MYRIP: variants seen among roughly 807,000 people sequenced by gnomAD.
MYRIP encodes rab effector MyRIP.
A neutral mutation model predicts 98.0 loss-of-function variants in MYRIP; 49 were observed. The ratio of observed to expected loss-of-function variants is 0.50; its 90% CI spans 0.40 to 0.63. The LOEUF (loss-of-function observed/expected upper bound fraction) is 0.63, where lower values mean the gene tolerates loss of function less well. Ranked by LOEUF, MYRIP falls within the 30% of genes least tolerant of loss-of-function variation. The pLI is 0.00. For missense variants in MYRIP, 1,004 were observed against 1,058.2 expected, an observed-to-expected ratio of 0.95 and a Z score of 0.71; for synonymous variants, 404 against 409.5, an observed-to-expected ratio of 0.99 and a Z score of 0.16.
At chr3:39,937,461 G>T (rs1361269933) in intron 2 of MYRIP, among the ~76,000 whole-genome samples, 1 of 152,204 alleles carries the variant, frequency 6.6e-6, no homozygotes, top group South Asian at 2.1e-4. Flanking sequence ...TGCAGACACA[G>T]TCCTGCTGTT....
At chr3:39,959,346 C>T (rs58518343) in intron 2 of MYRIP, among the ~76,000 whole-genome samples, 1 of 141,842 alleles carries the variant, frequency 7.1e-6, no homozygotes, top group African/African-American at 2.6e-5. Context: ...TGCAGCCATA[C>T]AAAAGGATGA....
intron 10 of MYRIP, among the ~76,000 whole-genome samples, chr3:40,191,998 C>T (rs1951224385): frequency 6.6e-6 from 1 of 152,086 alleles, no homozygotes; most frequent in Non-Finnish European, 1.5e-5. Flanking sequence ...AGAAGAGGCA[C>T]TGCCTCTGCC....
chr3:39,897,628 T>A (rs1443768533), intron 1 of MYRIP, among the ~76,000 whole-genome samples: 4 of 152,162 alleles, frequency 2.6e-5, no homozygotes, highest in Non-Finnish European at 5.9e-5. Context: ...GAGATTGTCA[T>A]ACCTATGTGA....
chr3:39,883,862 G>A (rs1213538254), intron 1 of MYRIP, among the ~76,000 whole-genome samples: 1 of 152,054 alleles, frequency 6.6e-6, no homozygotes, highest in Non-Finnish European at 1.5e-5. Context: ...TCCAACTAAT[G>A]TGTGTGATTG....
At chr3:39,913,704 A>G (rs1944081729) in intron 2 of MYRIP, among the ~76,000 whole-genome samples, 1 of 152,228 alleles carries the variant, frequency 6.6e-6, no homozygotes, top group African/African-American at 2.4e-5. Context: ...AAATCATACA[A>G]TGCCTTAGGG....
At chr3:40,054,665 C>T (rs1288575303) in intron 3 of MYRIP, among the ~76,000 whole-genome samples, 5 of 152,162 alleles carry the variant, frequency 3.3e-5, no homozygotes, top group African/African-American at 1.2e-4. Context: ...CAAGCTGCAA[C>T]ATCCACTCTT....
intron 8 of MYRIP, chr3:40,174,064 C>T (rs530203180): frequency 2.0e-5 from 3 of 152,304 alleles, no homozygotes; most frequent in South Asian, 2.1e-4. Context: ...CACCTTCCCC[C>T]GGCTTGAATC....
intron 3 of MYRIP, among the ~76,000 whole-genome samples, chr3:40,136,027 A>G (rs1949757498): frequency 6.6e-6 from 1 of 152,226 alleles, no homozygotes; most frequent in Admixed American, 6.5e-5. Flanking sequence ...AAATTCACAC[A>G]TAACAATACT....
intron 2 of MYRIP, among the ~76,000 whole-genome samples, chr3:40,035,730 A>G (rs1947364887): frequency 6.6e-6 from 1 of 152,032 alleles, no homozygotes; most frequent in East Asian, 1.9e-4. Flanking sequence ...TTCTATTAAA[A>G]TCCAGGAAGA....
At chr3:40,126,188 A>G (rs968531064) in intron 3 of MYRIP, among the ~76,000 whole-genome samples, 2 of 152,190 alleles carry the variant, frequency 1.3e-5, no homozygotes, top group African/African-American at 4.8e-5. Context: ...GCAGCATCAC[A>G]TCACCTGAGA....
chr3:39,894,176 A>G (rs568890940), intron 1 of MYRIP, among the ~76,000 whole-genome samples: 73 of 152,362 alleles, frequency 4.8e-4, no homozygotes, highest in Non-Finnish European at 7.2e-4. Context: ...TTGAGCCATG[A>G]CATGCATGTA....
chr3:39,934,130 T>G (rs1944604340), intron 2 of MYRIP, among the ~76,000 whole-genome samples: 1 of 152,182 alleles, frequency 6.6e-6, no homozygotes, highest in Non-Finnish European at 1.5e-5. Flanking sequence ...GATAATGTTG[T>G]GGTATGACAG....
At chr3:39,979,331 T>G (rs1945827710) in intron 2 of MYRIP, among the ~76,000 whole-genome samples, 1 of 152,144 alleles carries the variant, frequency 6.6e-6, no homozygotes, top group South Asian at 2.1e-4. Context: ...GGATATTCAT[T>G]GTTTGGTAAT....
Position 39,983,736 on chromosome 3 carries a change from G to A in MYRIP, c.111-60314G>A, listed in dbSNP as rs934683700. 2.6e-5 allele frequency among the ~76,000 whole-genome samples: 4 copies of A among 152,110 alleles called. 1 individual carries two copies. Among genetic ancestry groups the A allele is most frequent in the African/African-American group, 9.7e-5 (4 of 41,410 alleles). ...TTATAGATTACAAGGGCCAGGAAGG[G>A]AATAAATAGAGCTCTAAGAAAAATA... On this transcript the variant is annotated intron_variant, in intron 2 of 16. Coordinates refer to ENST00000302541, the MANE Select transcript of MYRIP (RefSeq NM_015460.4).
chr3:39,961,307 A>T (rs987029442), intron 2 of MYRIP, among the ~76,000 whole-genome samples: 1 of 152,114 alleles, frequency 6.6e-6, no homozygotes, highest in African/African-American at 2.4e-5. Flanking sequence ...ATCCACACGC[A>T]TTTCCCTGAT....
At chr3:40,019,575 C>T (rs549507454) in intron 2 of MYRIP, among the ~76,000 whole-genome samples, 1 of 152,262 alleles carries the variant, frequency 6.6e-6, no homozygotes, top group African/African-American at 2.4e-5. Context: ...TGTCTACTCC[C>T]TTAGGCTGTG....
Position 39,975,262 on chromosome 3 carries a change from CAGAG to C in MYRIP, c.111-68785_111-68782del, listed in dbSNP as rs578003085. Among the ~76,000 whole-genome samples, 120 of 152,214 alleles carry C rather than the reference CAGAG, an allele frequency of 7.9e-4. 1 individual carries two copies. Among genetic ancestry groups the C allele is most frequent in the African/African-American group, 2.7e-3 (111 of 41,506 alleles). ...TTCTTATACACCAATAACAGACAAACAGAGAGCCAAATCATGAGTGAACTCCCAT... is the reference window on the plus strand; with the variant it reads ...TTCTTATACACCAATAACAGACAAACAGCCAAATCATGAGTGAACTCCCAT... On this transcript the variant is annotated intron_variant, in intron 2 of 16. Transcript: ENST00000302541.
At position 40,048,471 on chromosome 3, in the gene MYRIP, C is replaced by G. The variant is rs961028139; in HGVS notation, c.332+4200C>G. On this transcript the variant is annotated intron_variant, in intron 3 of 16. Coordinates refer to ENST00000302541, the MANE Select transcript of MYRIP (RefSeq NM_015460.4). ...ATTCATCCTACAATATGAATAGCCTCAGAAGTAATAACTGTATCAAATACC... is the reference window on the plus strand; with the variant it reads ...ATTCATCCTACAATATGAATAGCCTGAGAAGTAATAACTGTATCAAATACC... Among the ~76,000 whole-genome samples, 63 of 147,276 alleles carry G rather than the reference C, an allele frequency of 4.3e-4. 1 individual carries two copies. Among genetic ancestry groups the G allele is most frequent in the Non-Finnish European group, 3.0e-5 (2 of 66,224 alleles).
chr3:39,949,672 A>G (rs780173424), intron 2 of MYRIP, among the ~76,000 whole-genome samples: 2 of 151,960 alleles, frequency 1.3e-5, no homozygotes, highest in Non-Finnish European at 2.9e-5. Flanking sequence ...CCTCCTTTTC[A>G]CTTTTGAAAT....
Sources: gnomAD v4.1 joint callset for allele counts (sites outside exome capture counted in the v4.1 genomes callset) on GRCh38, gnomAD v4.1.1 for gene constraint, MANE v1.5 for transcripts, NCBI Gene and HGNC (gene_info 2026-07-23, HGNC 2026-07-21) for gene names.